The following DCC variants were observed in gnomAD, a reference collection of about 807,000 sequenced individuals.
DCC encodes the protein DCC netrin 1 receptor, also known as netrin receptor DCC.
Under a neutral mutation model 172.5 loss-of-function variants are expected in DCC, and 58 were observed. The ratio of observed to expected loss-of-function variants is 0.34; its 90% confidence interval spans 0.27 to 0.42. The LOEUF (loss-of-function observed/expected upper bound fraction) is 0.42, where lower values mean the gene tolerates loss of function less well. Ranked by LOEUF, DCC falls within the 10% of genes least tolerant of loss-of-function variation. The pLI is 1.00. For synonymous variants in DCC, 709 were observed against 644.5 expected (o/e 1.10, Z -1.52); for missense variants, 1,740 against 1,791.0 (o/e 0.97, Z 0.51).
At chr18:52,946,660 G>T (rs931996899) in intron 5 of DCC, among the ~76,000 whole-genome samples, 1 of 152,112 alleles carries the variant, frequency 6.6e-6, no homozygotes, top group Non-Finnish European at 1.5e-5. Context: ...GCTCCACAAT[G>T]CAAACACATT....
At chr18:53,115,417 T>A (rs532724485) in intron 7 of DCC, among the ~76,000 whole-genome samples, 6 of 151,460 alleles carry the variant, frequency 4.0e-5, no homozygotes, top group African/African-American at 1.4e-4. Context: ...GTGTGTGTGG[T>A]TAGTGGCAGA....
At chr18:52,626,917 A>G (rs1274593215) in intron 1 of DCC, among the ~76,000 whole-genome samples, 2 of 152,160 alleles carry the variant, frequency 1.3e-5, no homozygotes, top group Admixed American at 6.5e-5. Context: ...TTTGGAATCC[A>G]TGGAGGGTTC....
intron 2 of DCC, among the ~76,000 whole-genome samples, chr18:52,782,714 C>T (rs118014726): frequency 0.011 from 1,646 of 152,110 alleles, 12 homozygotes; most frequent in Middle Eastern, 0.034. Context: ...TTGCTCTGCT[C>T]CTGCTTGGCT....
intron 1 of DCC, among the ~76,000 whole-genome samples, chr18:52,597,315 A>C (rs955986005): frequency 2.0e-5 from 3 of 152,164 alleles, no homozygotes; most frequent in Non-Finnish European, 2.9e-5. Flanking sequence ...GTTAATCAGA[A>C]GTGTTTACAC....
At chr18:52,572,363 A>T (rs772307097) in intron 1 of DCC, among the ~76,000 whole-genome samples, 3 of 151,924 alleles carry the variant, frequency 2.0e-5, no homozygotes, top group East Asian at 1.9e-4. Flanking sequence ...ATTTTTTTTT[A>T]AACTACTCTG....
intron 1 of DCC, among the ~76,000 whole-genome samples, chr18:52,510,380 G>T (rs2144645899): frequency 6.6e-6 from 1 of 152,290 alleles, no homozygotes; most frequent in East Asian, 1.9e-4. Flanking sequence ...TAGGATCCGT[G>T]GCAGCCTGCC....
intron 1 of DCC, among the ~76,000 whole-genome samples, chr18:52,579,504 TC>T (rs1007086103): frequency 6.6e-4 from 100 of 152,268 alleles, no homozygotes; most frequent in African/African-American, 2.2e-3. Flanking sequence ...TAGTGATAAA[TC>T]TTTTATTGTG....
chr18:53,390,045 C>G (rs150889791), intron 16 of DCC, among the ~76,000 whole-genome samples: 13 of 152,304 alleles, frequency 8.5e-5, no homozygotes, highest in African/African-American at 3.1e-4. Flanking sequence ...GTAGCACCTG[C>G]TTTAATTTGG....
At chr18:52,664,726 C>T (rs1033671306) in intron 1 of DCC, among the ~76,000 whole-genome samples, 2 of 152,086 alleles carry the variant, frequency 1.3e-5, no homozygotes, top group Non-Finnish European at 2.9e-5. Flanking sequence ...CCGCCTCGGC[C>T]TCCCAAAGTG....
intron 5 of DCC, among the ~76,000 whole-genome samples, chr18:53,007,789 T>C (rs754608498): frequency 2.6e-4 from 40 of 152,112 alleles, no homozygotes; most frequent in Non-Finnish European, 4.6e-4. Flanking sequence ...TAACATGAAG[T>C]GCTCAGTGTT....
At chr18:52,523,997 C>T (rs531892084) in intron 1 of DCC, among the ~76,000 whole-genome samples, 7 of 152,160 alleles carry the variant, frequency 4.6e-5, no homozygotes, top group African/African-American at 9.6e-5. Flanking sequence ...TTTATAGTTC[C>T]GTAAGATTGT....
intron 12 of DCC, among the ~76,000 whole-genome samples, chr18:53,255,016 G>A (rs553010567): frequency 1.4e-4 from 22 of 152,062 alleles, no homozygotes; most frequent in African/African-American, 5.1e-4. Context: ...ACTGCAGGTT[G>A]ACCCACTCCT....
chr18:53,115,867 A>G (rs1284244964), intron 7 of DCC, among the ~76,000 whole-genome samples: 2 of 151,604 alleles, frequency 1.3e-5, no homozygotes, highest in Non-Finnish European at 3.0e-5. Context: ...TTTTCTTACT[A>G]TACTGTATTC....
chr18:53,425,355 C>CTTTTTTTTTTTTTTTTTTTTT (rs1338640000), intron 21 of DCC, among the ~76,000 whole-genome samples: 1 of 86,490 alleles, frequency 1.2e-5, no homozygotes, highest in African/African-American at 3.5e-5. Context: ...CGTTTCTCCT[C>CTTTTTTTTTTTTTTTTTTTTT]TCTTTTTTTT....
At chr18:52,887,741 A>G (rs114728792) in intron 2 of DCC, among the ~76,000 whole-genome samples, 2,281 of 152,306 alleles carry the variant, frequency 0.015, 43 homozygotes, top group African/African-American at 0.038. Context: ...TGGAATATCC[A>G]GTTTCATAGT....
chr18:52,671,942 A>T (rs775786016), intron 1 of DCC, among the ~76,000 whole-genome samples: 4 of 152,186 alleles, frequency 2.6e-5, no homozygotes, highest in African/African-American at 2.4e-5. Context: ...ATGAATAATT[A>T]AAAAGCCAGA....
At chr18:52,883,632 T>G (rs1484984054) in intron 2 of DCC, among the ~76,000 whole-genome samples, 1 of 152,060 alleles carries the variant, frequency 6.6e-6, no homozygotes, top group African/African-American at 2.4e-5. Flanking sequence ...AATTTTTTGT[T>G]GTTTCTCTGT....
intron 1 of DCC, among the ~76,000 whole-genome samples, chr18:52,515,873 T>C (rs1238624535): frequency 2.7e-5 from 4 of 146,442 alleles, no homozygotes; most frequent in African/African-American, 5.0e-5. Flanking sequence ...ACTATGTAGA[T>C]TATATAAGGA....
At chr18:52,504,082 G>T (rs1422306553) in intron 1 of DCC, among the ~76,000 whole-genome samples, 1 of 152,052 alleles carries the variant, frequency 6.6e-6, no homozygotes, top group Non-Finnish European at 1.5e-5. Flanking sequence ...TACTAACCAG[G>T]ATCTCACTGA....
Sources: allele counts gnomAD v4.1 joint callset (sites outside exome capture counted in the v4.1 genomes callset), GRCh38; gene constraint gnomAD v4.1.1; transcripts MANE v1.5; gene names NCBI Gene and HGNC (gene_info 2026-07-23, HGNC 2026-07-21).